Variants in ASAP1 observed in about 807,000 individuals in gnomAD.
The protein encoded by ASAP1 is arf-GAP with SH3 domain, ANK repeat and PH domain-containing protein 1.
In ASAP1, 43 loss-of-function variants were observed where a neutral mutation model predicts 145.2. That is an observed-to-expected ratio of 0.30 (90% CI 0.23 to 0.38). The LOEUF is 0.38. ASAP1 is among the 10% of genes least tolerant of loss of function. The probability of loss-of-function intolerance (pLI) is 1.00; values close to 1 mark genes in which losing one functional copy is unlikely to be tolerated. For synonymous variants in ASAP1, 546 were observed against 515.5 expected (o/e 1.06, Z -0.80); for missense variants, 1,018 against 1,355.3 (o/e 0.75, Z 3.91).
chr8:130,087,634 G>C, intron 25 of ASAP1, among the ~76,000 whole-genome samples: 1 of 152,220 alleles, frequency 6.6e-6, no homozygotes, highest in Non-Finnish European at 1.5e-5. Context: ...TGGATGGCTA[G>C]TGAGACTGGT....
rs1474035151 is a variant in ASAP1, at chr8:130,167,593, T to A, written c.852A>T (p.Lys284Asn). The change falls in exon 11 of 30, where the codon AAA becomes AAT. Residue 284 changes from lysine to asparagine, a missense_variant. By Grantham distance (94) the Lys-to-Asn change is moderately conservative (BLOSUM62 0). Transcript: ENST00000518721. ...NIKQTQDEEK[K>N]QLTALRDLIK... is the part of the protein sequence containing the mutation. Reference sequence around the variant, plus strand: ...TTAAGTCTCGGAGTGCAGTTAGCTGTTTCTTTTCTTCATCCTGGGTCTGTT... The same window carrying A: ...TTAAGTCTCGGAGTGCAGTTAGCTGATTCTTTTCTTCATCCTGGGTCTGTT... 6.2e-7 allele frequency: 1 copy of A among 1,613,126 alleles called. No homozygotes were observed. The highest frequency in any genetic ancestry group is 8.5e-7 in the Non-Finnish European group (1 of 1,179,298).
chr8:130,191,050 T>A (rs1273212310), intron 5 of ASAP1, among the ~76,000 whole-genome samples: 2 of 15,882 alleles, frequency 1.3e-4, no homozygotes, highest in Non-Finnish European at 2.7e-4. Context: ...CGGGAAATAG[T>A]TTTTTTTTTT....
At chr8:130,261,552 C>T (rs1359320985) in intron 3 of ASAP1, among the ~76,000 whole-genome samples, 1 of 152,090 alleles carries the variant, frequency 6.6e-6, no homozygotes, top group African/African-American at 2.4e-5. Context: ...AAACCCAGGG[C>T]ATCTTTGATT....
intron 29 of ASAP1, among the ~76,000 whole-genome samples, chr8:130,056,924 C>T (rs1213838800): frequency 6.6e-6 from 1 of 152,154 alleles, no homozygotes; most frequent in Non-Finnish European, 1.5e-5. Context: ...TCCCTGGCAA[C>T]GTGAAAACCA....
At chr8:130,393,342 GGGAAGCCCTTCTCCCT>G (rs74275833) in intron 2 of ASAP1, among the ~76,000 whole-genome samples, 28,802 of 152,148 alleles carry the variant, frequency 0.19, 2,968 homozygotes, top group Non-Finnish European at 0.23. Context: ...GAATGGGCCA[GGGAAGCCCTTCTCCCT>G]GGAAGGTATT....
intron 20 of ASAP1, 34 bp downstream of exon 20, chr8:130,118,127 T>G: frequency 6.4e-7 from 1 of 1,567,538 alleles, no homozygotes; most frequent in Non-Finnish European, 8.8e-7. Flanking sequence ...TAAGGCATAT[T>G]CAGGTAATTC....
chr8:130,325,120 T>G (rs1194591060), intron 3 of ASAP1, among the ~76,000 whole-genome samples: 2 of 152,194 alleles, frequency 1.3e-5, no homozygotes, highest in African/African-American at 4.8e-5. Context: ...CGGAAGAGAA[T>G]AGCAGCAGTA....
At chr8:130,170,870 C>T (rs537490501) in intron 9 of ASAP1, among the ~76,000 whole-genome samples, 1 of 152,214 alleles carries the variant, frequency 6.6e-6, no homozygotes, top group Non-Finnish European at 1.5e-5. Flanking sequence ...AGAGGCACCC[C>T]ACCATGCCTG....
At chr8:130,135,513 CA>C (rs1317210418) in intron 14 of ASAP1, among the ~76,000 whole-genome samples, 18 of 132,726 alleles carry the variant, frequency 1.4e-4, no homozygotes, top group Non-Finnish European at 2.8e-4. Context: ...AAAAAAAACC[CA>C]AAACAAAACA....
chr8:130,364,065 T>TAA (rs1410295098), intron 2 of ASAP1, among the ~76,000 whole-genome samples: 5 of 151,870 alleles, frequency 3.3e-5, no homozygotes, highest in African/African-American at 4.8e-5. Flanking sequence ...ATAATAATAA[T>TAA]TAAAAAAAGC....
At chr8:130,268,214 G>A (rs193061554) in intron 3 of ASAP1, among the ~76,000 whole-genome samples, 20 of 152,198 alleles carry the variant, frequency 1.3e-4, no homozygotes, top group Admixed American at 2.6e-4. Flanking sequence ...GGCCTGGCAC[G>A]GTAGCTCATG....
At chr8:130,099,264 C>T (rs1362356626) in intron 24 of ASAP1, among the ~76,000 whole-genome samples, 3 of 151,358 alleles carry the variant, frequency 2.0e-5, no homozygotes, top group Non-Finnish European at 2.9e-5. Flanking sequence ...CTGCAAGCTC[C>T]ACCTCCCAGG....
intron 3 of ASAP1, among the ~76,000 whole-genome samples, chr8:130,306,732 A>C (rs945873558): frequency 3.3e-5 from 5 of 152,234 alleles, no homozygotes; most frequent in African/African-American, 1.2e-4. Context: ...AGTAAATACC[A>C]ATGGACCACA....
chr8:130,319,300 A>AAAAAT (rs1297205180), intron 3 of ASAP1, among the ~76,000 whole-genome samples: 5 of 152,220 alleles, frequency 3.3e-5, no homozygotes, highest in Non-Finnish European at 7.3e-5. Flanking sequence ...CTGTTCTTTA[A>AAAAAT]AAAATAAAAT....
intron 2 of ASAP1, among the ~76,000 whole-genome samples, chr8:130,385,857 T>A (rs960710113): frequency 6.6e-6 from 1 of 152,208 alleles, no homozygotes; most frequent in Non-Finnish European, 1.5e-5. Flanking sequence ...GGTGAATGCA[T>A]TTCAAATTCC....
intron 26 of ASAP1, 39 bp from the exon 27 acceptor site, chr8:130,076,445 C>T (rs771701018): frequency 1.4e-6 from 2 of 1,384,906 alleles, no homozygotes; most frequent in Non-Finnish European, 2.0e-6. Flanking sequence ...TCTAAAAGTG[C>T]TAGAATATCA....
intron 7 of ASAP1, among the ~76,000 whole-genome samples, chr8:130,181,720 A>G (rs902586157): frequency 3.3e-5 from 5 of 152,228 alleles, no homozygotes; most frequent in African/African-American, 7.2e-5. Context: ...CACATTAAAC[A>G]TACAGTAGCT....
chr8:130,330,977 G>C (rs1413091716), intron 3 of ASAP1, among the ~76,000 whole-genome samples: 1 of 152,132 alleles, frequency 6.6e-6, no homozygotes, highest in Non-Finnish European at 1.5e-5. Flanking sequence ...ACCAAAAATG[G>C]GCTTTGGCAT....
chr8:130,127,758 T>G (rs556338815), intron 16 of ASAP1, among the ~76,000 whole-genome samples, 169 bp downstream of exon 16: 3 of 152,004 alleles, frequency 2.0e-5, no homozygotes, highest in Non-Finnish European at 4.4e-5. Context: ...GAAAACAGCA[T>G]AGGTAAAAGC....
Sources: gnomAD v4.1 joint callset for allele counts (sites outside exome capture counted in the v4.1 genomes callset) on GRCh38, gnomAD v4.1.1 for gene constraint, MANE v1.5 for transcripts, NCBI Gene and HGNC (gene_info 2026-07-23, HGNC 2026-07-21) for gene names.